The following MAP4 variants were observed in gnomAD, a reference collection of about 807,000 sequenced individuals.
MAP4 encodes the protein microtubule-associated protein 4.
Under a neutral mutation model 170.2 loss-of-function variants are expected in MAP4, and 76 were observed. The observed-to-expected ratio is 0.45, with a 90% CI of 0.37 to 0.54. The LOEUF (loss-of-function observed/expected upper bound fraction) is 0.54, where lower values mean the gene tolerates loss of function less well. MAP4 is among the 20% of genes least tolerant of loss of function. The pLI is 0.00. For missense variants in MAP4, 2,506 were observed against 2,748.0 expected, an observed-to-expected ratio of 0.91 and a Z score of 1.97; for synonymous variants, 909 against 994.5, an observed-to-expected ratio of 0.91 and a Z score of 1.62.
chr3:47,921,878 T>A lies in MAP4; in HGVS notation c.416A>T (p.Asp139Val). The change falls in exon 5 of 21, where the codon GAT (aspartate) becomes GTT (valine). Residue 139 changes from aspartate (D) to valine (V), a missense_variant and splice_region_variant. Transcript: ENST00000683076. ...ATCATCATGGTACATCTTAAAGGGA[T>A]CTGGAATATAGAAGAAATCCAAAAC... ...PEQVVDPIQT[D>V]PFKMYHDDDL... The A allele has an allele frequency of 1.5e-6, 2 of 1,375,506 alleles. No homozygotes were observed. Among genetic ancestry groups the A allele is most frequent in the Non-Finnish European group, 2.1e-6 (2 of 962,604 alleles). 85.2% of individuals were successfully genotyped at this position (1,375,506 alleles called of 1,614,324 possible). A position where few individuals can be genotyped will look rare whatever the true frequency, so the allele number is the denominator to read the frequency against.
At chr3:48,073,602 A>G (rs1172634492) in intron 1 of MAP4, among the ~76,000 whole-genome samples, 1 of 149,664 alleles carries the variant, frequency 6.7e-6, no homozygotes, top group Non-Finnish European at 1.5e-5. Flanking sequence ...TAAAAGCAAA[A>G]CTCCATTTCA....
At chr3:47,892,547 C>T (rs749088126) in intron 10 of MAP4, 5 of 1,460,722 alleles carry the variant, frequency 3.4e-6, no homozygotes, top group South Asian at 1.4e-5. Flanking sequence ...ATACCACCTA[C>T]GATCACACAG....
At chr3:48,070,366 C>A (rs1468924320) in intron 1 of MAP4, among the ~76,000 whole-genome samples, 1 of 151,644 alleles carries the variant, frequency 6.6e-6, no homozygotes, top group African/African-American at 2.4e-5. Context: ...TCACAGAGAC[C>A]TCTTCTTCTA....
chr3:48,010,403 C>T (rs1175957020), intron 1 of MAP4, among the ~76,000 whole-genome samples: 4 of 152,058 alleles, frequency 2.6e-5, no homozygotes, highest in Non-Finnish European at 5.9e-5. Flanking sequence ...TTTCCTTTTC[C>T]TTTATCATGT....
intron 3 of MAP4, among the ~76,000 whole-genome samples, chr3:47,965,300 T>C (rs757770682): frequency 2.6e-5 from 4 of 152,222 alleles, no homozygotes; most frequent in Non-Finnish European, 5.9e-5. Flanking sequence ...ATTCCATGTG[T>C]TGATGGGACA....
At chr3:47,877,749 C>A (rs779969309) in intron 10 of MAP4, 2 of 357,324 alleles carry the variant, frequency 5.6e-6, no homozygotes, top group Admixed American at 4.3e-5. Context: ...GAGAAGCAGT[C>A]TAAGGGACAC....
intron 1 of MAP4, among the ~76,000 whole-genome samples, chr3:48,074,308 T>C (rs1415488922): frequency 2.4e-5 from 2 of 81,828 alleles, no homozygotes; most frequent in Admixed American, 2.1e-4. Context: ...GGGCCTGTCA[T>C]GGGGTGGGGG....
chr3:48,061,254 A>G (rs1019231360), intron 1 of MAP4, among the ~76,000 whole-genome samples: 8 of 144,940 alleles, frequency 5.5e-5, no homozygotes, highest in African/African-American at 1.0e-4. Flanking sequence ...CCGAAGCTGG[A>G]CTGTACTGCT....
chr3:48,087,772 C>G (rs897420233), intron 1 of MAP4, among the ~76,000 whole-genome samples: 4 of 151,782 alleles, frequency 2.6e-5, no homozygotes, highest in African/African-American at 9.7e-5. Flanking sequence ...CACACACACA[C>G]ACACACTGCA....
intron 1 of MAP4, among the ~76,000 whole-genome samples, chr3:48,038,176 G>GA (rs397786308): frequency 0.039 from 4,617 of 118,812 alleles, 95 homozygotes; most frequent in Middle Eastern, 0.055. Context: ...TCCAAAAAAA[G>GA]AAAAAAAAAA....
chr3:47,965,182 A>G (rs1029531979), intron 3 of MAP4, among the ~76,000 whole-genome samples: 1 of 152,206 alleles, frequency 6.6e-6, no homozygotes, highest in African/African-American at 2.4e-5. Context: ...TTTTTCACTT[A>G]GCATAGTGTC....
Position 47,914,869 on chromosome 3 carries a change from C to T in MAP4, c.1947G>A (p.Gly649=). 1 of 1,614,138 alleles carries T rather than the reference C, an allele frequency of 6.2e-7. No individual in the cohort carries two copies. The highest frequency in any genetic ancestry group is 8.5e-7 in the Non-Finnish European group (1 of 1,180,026). ...GTTGACTGTTGCATGGTTTCCTTTC[C>T]CCTAGTTTTTCTAACACAGAATCCT... ...AEEDSVLEKL[G]ERKPCNSQPS... The change falls in exon 8 of 21, where the codon GGG becomes GGA. Residue 649 remains glycine (G), a synonymous_variant. Coordinates refer to ENST00000683076, the MANE Select transcript of MAP4 (RefSeq NM_001385682.1).
intron 1 of MAP4, among the ~76,000 whole-genome samples, chr3:48,046,832 C>T (rs1010499429): frequency 2.0e-5 from 3 of 152,148 alleles, no homozygotes; most frequent in Non-Finnish European, 4.4e-5. Context: ...CGGTGGCTCA[C>T]GCCTGTAATC....
chr3:48,046,241 TCA>T (rs2100124532), intron 1 of MAP4, among the ~76,000 whole-genome samples: 1 of 152,196 alleles, frequency 6.6e-6, no homozygotes, highest in South Asian at 2.1e-4. Context: ...TTCTTAACTA[TCA>T]CATAGATTTA....
intron 10 of MAP4, chr3:47,891,715 G>C (rs2100024064): frequency 6.5e-7 from 1 of 1,536,648 alleles, no homozygotes; most frequent in Non-Finnish European, 8.7e-7. Context: ...AATGTTCCTG[G>C]GTGAACACCA....
intron 16 of MAP4, among the ~76,000 whole-genome samples, chr3:47,867,572 G>A (rs564331464): frequency 9.2e-5 from 14 of 152,370 alleles, no homozygotes; most frequent in Middle Eastern, 3.4e-3. Context: ...GCAGAGCTGC[G>A]CAGGCACTGC....
intron 3 of MAP4, chr3:47,931,713 T>G (rs1021002805): frequency 6.6e-6 from 1 of 150,516 alleles, no homozygotes; most frequent in Admixed American, 6.7e-5. Flanking sequence ...CAAGCTGGTC[T>G]CCAACTTCTG....
At position 47,867,206 on chromosome 3, in the gene MAP4, G is replaced by C. The variant is rs2082046619; in HGVS notation, c.6501+40C>G. On this transcript the variant is annotated intron_variant, in intron 17 of 20. Transcript: ENST00000683076. The stretch of plus-strand genomic sequence containing the variant: ...CTCTCCCTAGTATACCCCACAGTGG[G>C]CTATATCTCAGATGCCAGCTAACCA... 3 of 1,402,942 alleles carry C rather than the reference G, an allele frequency of 2.1e-6. No individual in the cohort carries two copies. The African/African-American group carries it at 4.3e-5, about 20-fold the overall frequency. The allele number at this position is 1,402,942 out of a possible 1,614,324, so 86.9% of individuals were successfully genotyped here. A position where few individuals can be genotyped will look rare whatever the true frequency, so the allele number is the denominator to read the frequency against.
chr3:47,921,957 T>C (rs186593131), intron 4 of MAP4, 79 bp from the exon 5 acceptor site: 428 of 752,638 alleles, frequency 5.7e-4, no homozygotes, highest in East Asian at 1.6e-3. Context: ...TTCTTTCTTT[T>C]TTTTTTTTGA....
Sources: allele counts gnomAD v4.1 joint callset (sites outside exome capture counted in the v4.1 genomes callset), GRCh38; gene constraint gnomAD v4.1.1; transcripts MANE v1.5; gene names NCBI Gene and HGNC (gene_info 2026-07-23, HGNC 2026-07-21).